ZNF521: variants seen among roughly 807,000 people sequenced by gnomAD.
ZNF521 encodes zinc finger protein 521, also known as LYST-interacting protein 3.
Under a neutral mutation model 105.5 loss-of-function variants are expected in ZNF521, and 14 were observed. The ratio of observed to expected loss-of-function variants is 0.13; its 90% confidence interval spans 0.09 to 0.21. ZNF521 has a LOEUF of 0.21. Among genes scored for constraint, ZNF521 ranks in the 10% least tolerant of loss-of-function variants. ZNF521 has a pLI of 1.00. For synonymous variants in ZNF521, 635 were observed against 606.0 expected (o/e 1.05, Z -0.70); for missense variants, 1,233 against 1,629.7 (o/e 0.76, Z 4.19).
At chr18:25,195,390 C>T (rs989682301) in intron 4 of ZNF521, 146 bp from the exon 5 acceptor site, 41 of 583,690 alleles carry the variant, frequency 7.0e-5, no homozygotes, top group Middle Eastern at 4.4e-4. Context: ...CCAAGTTCTA[C>T]GAATTCCTTA....
At chr18:25,147,719 G>A (rs1445566367) in intron 5 of ZNF521, among the ~76,000 whole-genome samples, 1 of 152,040 alleles carries the variant, frequency 6.6e-6, no homozygotes, top group African/African-American at 2.4e-5. Flanking sequence ...CTTTGATTCT[G>A]TTTTCTTTGA....
chr18:25,326,120 CT>C (rs1913203870), intron 2 of ZNF521, among the ~76,000 whole-genome samples: 1 of 152,156 alleles, frequency 6.6e-6, no homozygotes, highest in African/African-American at 2.4e-5. Context: ...ACCACATTTA[CT>C]TTTTATAACC....
chr18:25,286,104 C>T (rs146144440), intron 3 of ZNF521, among the ~76,000 whole-genome samples: 171 of 152,306 alleles, frequency 1.1e-3, no homozygotes, highest in African/African-American at 3.8e-3. Flanking sequence ...GGCTGCAGTG[C>T]GCGCTCTCAG....
At chr18:25,285,178 C>T (rs1910629918) in intron 3 of ZNF521, among the ~76,000 whole-genome samples, 1 of 152,164 alleles carries the variant, frequency 6.6e-6, no homozygotes, top group Non-Finnish European at 1.5e-5. Context: ...AAAGCTTCCC[C>T]TGGGGAGCTC....
intron 7 of ZNF521, among the ~76,000 whole-genome samples, chr18:25,077,200 G>C (rs1199169261): frequency 6.6e-6 from 1 of 152,186 alleles, no homozygotes; most frequent in Non-Finnish European, 1.5e-5. Context: ...GGGTCACATG[G>C]CAAGGAAAGC....
At chr18:25,099,761 C>T (rs1169933772) in intron 5 of ZNF521, among the ~76,000 whole-genome samples, 1 of 152,030 alleles carries the variant, frequency 6.6e-6, no homozygotes, top group East Asian at 1.9e-4. Context: ...TATCAAATAC[C>T]TTCTATTAAT....
chr18:25,074,990 ATCTCTT>A (rs1315405962), intron 7 of ZNF521, among the ~76,000 whole-genome samples: 1 of 152,226 alleles, frequency 6.6e-6, no homozygotes. Flanking sequence ...AATTAAAAAA[ATCTCTT>A]TAAAGTGAAG....
At chr18:25,183,578 C>A (rs2035669454) in intron 5 of ZNF521, among the ~76,000 whole-genome samples, 1 of 152,086 alleles carries the variant, frequency 6.6e-6, no homozygotes, top group African/African-American at 2.4e-5. Flanking sequence ...TTATGTGCTG[C>A]AAAAATGTCT....
intron 7 of ZNF521, among the ~76,000 whole-genome samples, chr18:25,083,490 A>G (rs372855374): frequency 7.2e-5 from 11 of 152,194 alleles, no homozygotes; most frequent in African/African-American, 2.7e-4. Context: ...GTGAGTGTCT[A>G]TTATGTTCTC....
At chr18:25,335,491 C>A (rs1913823271) in intron 2 of ZNF521, among the ~76,000 whole-genome samples, 1 of 152,206 alleles carries the variant, frequency 6.6e-6, no homozygotes, top group Admixed American at 6.5e-5. Context: ...CTAGCACCCG[C>A]ACCCAATACC....
chr18:25,290,451 A>C (rs1014928618), intron 3 of ZNF521, among the ~76,000 whole-genome samples: 1 of 152,126 alleles, frequency 6.6e-6, no homozygotes, highest in East Asian at 1.9e-4. Context: ...CTGTGCTCTT[A>C]TTCCTGGGCC....
intron 3 of ZNF521, among the ~76,000 whole-genome samples, chr18:25,306,683 C>T (rs1038830167): frequency 6.6e-6 from 1 of 151,932 alleles, no homozygotes; most frequent in African/African-American, 2.4e-5. Flanking sequence ...GTAACAATCC[C>T]AGCTACAAGA....
At chr18:25,330,818 A>G (rs1378011093) in intron 2 of ZNF521, among the ~76,000 whole-genome samples, 1 of 152,252 alleles carries the variant, frequency 6.6e-6, no homozygotes. Context: ...AGGTGCACAC[A>G]GCCTTCTCCT....
At chr18:25,100,031 T>C (rs2033935746) in intron 5 of ZNF521, among the ~76,000 whole-genome samples, 2 of 152,176 alleles carry the variant, frequency 1.3e-5, no homozygotes, top group South Asian at 4.2e-4. Flanking sequence ...TCAGGCATGT[T>C]TTCCTGTTGC....
At chr18:25,240,967 AAAGTT>A (rs1484898151) in intron 3 of ZNF521, among the ~76,000 whole-genome samples, 3 of 151,864 alleles carry the variant, frequency 2.0e-5, no homozygotes, top group African/African-American at 7.3e-5. Flanking sequence ...AAAAAAAAAA[AAAGTT>A]AGAGCAAGCA....
intron 3 of ZNF521, among the ~76,000 whole-genome samples, chr18:25,291,023 G>A (rs930325641): frequency 1.4e-4 from 22 of 152,144 alleles, no homozygotes; most frequent in Admixed American, 7.2e-4. Context: ...GGCCAGTAAC[G>A]GAACTACTGT....
chr18:25,110,152 T>G (rs1409427638), intron 5 of ZNF521, among the ~76,000 whole-genome samples: 1 of 152,098 alleles, frequency 6.6e-6, no homozygotes, highest in Non-Finnish European at 1.5e-5. Flanking sequence ...CAGCAGAGTT[T>G]TATCAAAGTG....
intron 3 of ZNF521, among the ~76,000 whole-genome samples, chr18:25,260,176 G>C (rs1231064419): frequency 6.6e-6 from 1 of 152,178 alleles, no homozygotes; most frequent in African/African-American, 2.4e-5. Context: ...CACATCCTGG[G>C]TTCAAATCCC....
At chr18:25,119,778 G>C (rs1445821775) in intron 5 of ZNF521, among the ~76,000 whole-genome samples, 1 of 151,792 alleles carries the variant, frequency 6.6e-6, no homozygotes, top group Non-Finnish European at 1.5e-5. Flanking sequence ...GCTAGAAAAA[G>C]AAGGGTAAAT....
Sources: allele counts gnomAD v4.1 joint callset (sites outside exome capture counted in the v4.1 genomes callset), GRCh38; gene constraint gnomAD v4.1.1; transcripts MANE v1.5; gene names NCBI Gene and HGNC (gene_info 2026-07-23, HGNC 2026-07-21).